Variants in NOS1 observed in about 807,000 individuals in gnomAD.
NOS1 encodes the protein NOS type I.
In NOS1, 51 loss-of-function variants were observed where a neutral mutation model predicts 164.5. That is an observed-to-expected ratio of 0.31 (90% confidence interval 0.25 to 0.39). NOS1 has a LOEUF of 0.39. Ranked by LOEUF, NOS1 falls within the 10% of genes least tolerant of loss-of-function variation. NOS1 has a pLI of 1.00. For synonymous variants in NOS1, 719 were observed against 745.8 expected, an observed-to-expected ratio of 0.96 and a Z score of 0.59; for missense variants, 1,362 against 1,885.6, an observed-to-expected ratio of 0.72 and a Z score of 5.14.
At position 117,272,590 on chromosome 12, in the gene NOS1, G is replaced by A. The variant is rs9658377; in HGVS notation, c.1665-31C>T. 7,051 of 1,600,422 alleles carry A rather than the reference G, an allele frequency of 4.4e-3. 277 individuals are homozygous for A. The African/African-American group carries it at 0.08, about 18-fold the overall frequency. ...GGGAGCAACAGGGCCCAGCTCACCCGGAGCAGGTGTCTCATGGGCGGGACA... is the reference window on the plus strand; with the variant it reads ...GGGAGCAACAGGGCCCAGCTCACCCAGAGCAGGTGTCTCATGGGCGGGACA... On this transcript the variant is annotated intron_variant, in intron 9 of 28. Coordinates refer to ENST00000317775, the MANE Select transcript of NOS1 (RefSeq NM_000620.5). The surrounding 1 kb of genome is among the most constrained non-coding windows in gnomAD (Gnocchi z 4.3).
intron 3 of NOS1, among the ~76,000 whole-genome samples, chr12:117,306,020 G>A (rs759505230): frequency 7.4e-4 from 112 of 152,104 alleles, no homozygotes; most frequent in Admixed American, 2.2e-3. Flanking sequence ...TCGAACTCCC[G>A]ACCTCAGGTG....
intron 6 of NOS1, 48 bp downstream of exon 6, chr12:117,286,056 T>A (rs1874090556): frequency 1.2e-6 from 2 of 1,603,384 alleles, no homozygotes; most frequent in South Asian, 1.1e-5. Context: ...CCCCTTCCCC[T>A]CTTCCCTCAT....
At chr12:117,287,229 TA>T (rs1393591924) in intron 5 of NOS1, among the ~76,000 whole-genome samples, 2 of 151,936 alleles carry the variant, frequency 1.3e-5, no homozygotes, top group Admixed American at 1.3e-4. Flanking sequence ...AATAAATCAA[TA>T]AAAAAATTCA....
intron 16 of NOS1, among the ~76,000 whole-genome samples, chr12:117,256,282 C>CTTTTTTTTTTTTTTTT (rs1566042530): frequency 3.6e-4 from 28 of 76,770 alleles, no homozygotes; most frequent in Admixed American, 6.3e-4. Flanking sequence ...AAGGGATTTT[C>CTTTTTTTTTTTTTTTT]TGTTTTTTTT....
chr12:117,319,962 A>G (rs973162277), intron 2 of NOS1, among the ~76,000 whole-genome samples: 2 of 152,212 alleles, frequency 1.3e-5, no homozygotes, highest in African/African-American at 4.8e-5. Context: ...CTGATGCCCA[A>G]AGAAGTCAAA....
chr12:117,260,630 AT>A, intron 13 of NOS1, 21 bp from the exon 14 acceptor site: 4 of 1,602,642 alleles, frequency 2.5e-6, no homozygotes, highest in Non-Finnish European at 3.4e-6. Context: ...GAGGATGGAG[AT>A]GAAAAATGGG....
chr12:117,360,107 G>C (rs12828499), intron 1 of NOS1, among the ~76,000 whole-genome samples: 2,607 of 151,212 alleles, frequency 0.017, 33 homozygotes, highest in Middle Eastern at 0.034. Flanking sequence ...ACAAGTAAAG[G>C]GTCGATCTAG....
chr12:117,309,295 TG>T, intron 3 of NOS1: 1 of 965,068 alleles, frequency 1.0e-6, no homozygotes, highest in African/African-American at 1.8e-5. Flanking sequence ...ATTCAGCTAG[TG>T]GGACCATGGG....
At chr12:117,285,196 G>T in intron 7 of NOS1, 45 bp downstream of exon 7, 1 of 1,358,830 alleles carries the variant, frequency 7.4e-7, no homozygotes, top group East Asian at 2.3e-5. Context: ...AATGCTGTGG[G>T]GACTTTTGAC....
At position 117,356,438 on chromosome 12, in the gene NOS1, C is replaced by G. The variant is rs969818276; in HGVS notation, c.-421+5074G>C. ...CTCCCTGATTCCTTCAACCACCTGT[C>G]CTGGGTCCTACCACAGCACCTCACC... On this transcript the variant is annotated intron_variant, in intron 1 of 28. Transcript: ENST00000317775. The surrounding 1 kb of genome is among the most constrained non-coding windows in gnomAD (Gnocchi z 4.2). 1.3e-5 allele frequency among the ~76,000 whole-genome samples: 2 copies of G among 152,160 alleles called. No homozygotes were observed. Among genetic ancestry groups the G allele is most frequent in the Non-Finnish European group, 2.9e-5 (2 of 68,028 alleles).
At chr12:117,251,261 T>C in intron 17 of NOS1, among the ~76,000 whole-genome samples, 1 of 152,194 alleles carries the variant, frequency 6.6e-6, no homozygotes, top group Non-Finnish European at 1.5e-5. Flanking sequence ...GAAATAAATT[T>C]CTGTTGTTTA....
intron 1 of NOS1, among the ~76,000 whole-genome samples, chr12:117,352,935 C>T (rs1427450147): frequency 6.6e-6 from 1 of 152,122 alleles, no homozygotes; most frequent in Non-Finnish European, 1.5e-5. Flanking sequence ...TAAAAACACC[C>T]ATAAACTTTC....
At chr12:117,338,834 T>C (rs1007130692) in intron 1 of NOS1, among the ~76,000 whole-genome samples, 1 of 152,164 alleles carries the variant, frequency 6.6e-6, no homozygotes, top group Non-Finnish European at 1.5e-5. Flanking sequence ...CCAGCCTGCC[T>C]GTGAAGTCTT....
In NOS1 at chr12:117,208,885, G is replaced by T; in HGVS notation, c.*6424C>A. The T allele has an allele frequency of 1.6e-6, 1 of 611,808 alleles. No individual in the cohort carries two copies. Among genetic ancestry groups the T allele is most frequent in the Non-Finnish European group, 2.0e-6 (1 of 488,242 alleles). 37.9% of individuals were successfully genotyped at this position (611,808 alleles called of 1,614,324 possible). On this transcript the variant is annotated 3_prime_UTR_variant, in exon 29 of 29. Coordinates refer to ENST00000317775, the MANE Select transcript of NOS1 (RefSeq NM_000620.5). ...TTACAGATGCCCGCCACCACGCCGG[G>T]CTGATTTTTGTATTTTTAGTAGAGA... is the stretch of plus-strand genomic sequence containing the variant.
At chr12:117,229,581 T>C (rs942157708) in intron 22 of NOS1, among the ~76,000 whole-genome samples, 35 of 152,022 alleles carry the variant, frequency 2.3e-4, no homozygotes, top group African/African-American at 8.2e-4. Context: ...TCTATCTATC[T>C]ATCTATCTAT....
At chr12:117,238,229 T>C (rs73401871) in intron 20 of NOS1, among the ~76,000 whole-genome samples, 2,673 of 152,136 alleles carry the variant, frequency 0.018, 77 homozygotes, top group African/African-American at 0.061. Flanking sequence ...CTTCAATTTA[T>C]GGTTTTAAAA....
rs1555261237 is a variant in NOS1 at position 117,330,328 on chromosome 12, A to ACC, written c.725+15_725+16dup. On this transcript the variant is annotated intron_variant, in intron 2 of 28. Transcript: ENST00000317775. The surrounding 1 kb of genome is among the most constrained non-coding windows in gnomAD (Gnocchi z 4.6). The stretch of plus-strand genomic sequence containing the variant: ...CACACACACACACACACACACACAC[A>ACC]CCCCTGTGGAGCTTACCTGTCCACC... 5.6e-5 allele frequency: 89 copies of ACC among 1,595,050 alleles called. No individual in the cohort carries two copies. Among genetic ancestry groups the ACC allele is most frequent in the South Asian group, 9.1e-5 (8 of 87,616 alleles).
At chr12:117,260,812 CTTTAT>C (rs1408672964) in intron 13 of NOS1, among the ~76,000 whole-genome samples, 1 of 116,858 alleles carries the variant, frequency 8.6e-6, no homozygotes, top group Non-Finnish European at 1.6e-5. Flanking sequence ...TTATTAAATC[CTTTAT>C]TTTATTTTAT....
chr12:117,224,832 A>G (rs769062079), intron 25 of NOS1, among the ~76,000 whole-genome samples, 184 bp downstream of exon 25: 1 of 152,194 alleles, frequency 6.6e-6, no homozygotes, highest in Non-Finnish European at 1.5e-5. Flanking sequence ...GGCCCCTGGG[A>G]CAGGCTGTTT....
Sources: allele counts gnomAD v4.1 joint callset (sites outside exome capture counted in the v4.1 genomes callset), GRCh38; gene constraint gnomAD v4.1.1; non-coding constraint Gnocchi (gnomAD v3.1); transcripts MANE v1.5; gene names NCBI Gene and HGNC (gene_info 2026-07-23, HGNC 2026-07-21).